Variants in CCDC13 observed in about 807,000 individuals in gnomAD.
CCDC13 encodes the protein coiled-coil domain containing 13.
CCDC13 carries 70 observed loss-of-function variants against 87.3 expected under a neutral mutation model. The observed-to-expected ratio is 0.80, with a 90% CI of 0.66 to 0.98. The LOEUF (loss-of-function observed/expected upper bound fraction) is 0.98, where lower values mean the gene tolerates loss of function less well. Ranked by LOEUF, CCDC13 falls within the 50% of genes least tolerant of loss-of-function variation. CCDC13 has a pLI of 0.00. For missense variants in CCDC13, 842 were observed against 892.0 expected (o/e 0.94, Z 0.71); for synonymous variants, 317 against 360.3 (o/e 0.88, Z 1.36).
At chr3:42,721,204 C>A (rs1044127416) in intron 13 of CCDC13, among the ~76,000 whole-genome samples, 1 of 152,156 alleles carries the variant, frequency 6.6e-6, no homozygotes, top group African/African-American at 2.4e-5. Flanking sequence ...ACAGAGGCAA[C>A]CAAAATTTCC....
At chr3:42,751,223 G>T (rs1699571123) in intron 5 of CCDC13, among the ~76,000 whole-genome samples, 1 of 152,260 alleles carries the variant, frequency 6.6e-6, no homozygotes, top group East Asian at 1.9e-4. Context: ...AACTGGCCTG[G>T]CTTCCCAAGA....
In CCDC13 at chr3:42,746,042, G is replaced by A; in HGVS notation, c.721-15C>T. 6.2e-7 allele frequency: 1 copy of A among 1,602,184 alleles called. No individual in the cohort carries two copies. The highest frequency in any genetic ancestry group is 8.6e-7 in the Non-Finnish European group (1 of 1,169,330). On this transcript the variant is annotated splice_polypyrimidine_tract_variant and intron_variant, in intron 6 of 15. Coordinates refer to ENST00000310232, the MANE Select transcript of CCDC13 (RefSeq NM_144719.4). ...CTGGCCAAAACCTGAAATAAGGCAG[G>A]GCCTTCAATGTGGCCAAAAGAGAGG...
intron 10 of CCDC13, among the ~76,000 whole-genome samples, chr3:42,735,179 C>T (rs560564971): frequency 3.8e-4 from 58 of 152,188 alleles, no homozygotes; most frequent in South Asian, 1.2e-3. Flanking sequence ...AGACCGAGGC[C>T]GTGGGGGAGG....
intron 1 of CCDC13, among the ~76,000 whole-genome samples, chr3:42,766,099 A>C (rs141116089): frequency 1.1e-4 from 16 of 152,298 alleles, no homozygotes; most frequent in Non-Finnish European, 1.9e-4. Flanking sequence ...ACTGAAGGCA[A>C]CTATGCAGAG....
chr3:42,771,808 TTTAG>T (rs902333526), intron 1 of CCDC13, among the ~76,000 whole-genome samples: 1 of 152,098 alleles, frequency 6.6e-6, no homozygotes, highest in Non-Finnish European at 1.5e-5. Context: ...AACTATGGAC[TTTAG>T]TTAGTAATAA....
Position 42,757,112 on chromosome 3 carries a change from G to T in CCDC13, c.324C>A (p.Ile108=). The T allele has an allele frequency of 6.2e-7, 1 of 1,614,140 alleles. No individual in the cohort carries two copies. The highest frequency in any genetic ancestry group is 8.5e-7 in the Non-Finnish European group (1 of 1,180,000). ...YKLLKERDFE[I]KHLKKKIEED... is the part of the protein sequence containing the mutation. ...CTTCTATTTTCTTTTTGAGGTGTTT[G>T]ATTTCAAAGTCCCTTTCCTTCAGCA... Residue 108 remains isoleucine (I), a synonymous_variant, in exon 3 of 16, where the codon ATC becomes ATA. Transcript: ENST00000310232.
At chr3:42,756,756 T>C (rs2125908561) in intron 3 of CCDC13, among the ~76,000 whole-genome samples, 1 of 152,274 alleles carries the variant, frequency 6.6e-6, no homozygotes, top group East Asian at 1.9e-4. Context: ...GCTGCGAGCA[T>C]GATGGCAAAC....
chr3:42,741,689 A>G (rs572721146), intron 8 of CCDC13, among the ~76,000 whole-genome samples: 12 of 152,164 alleles, frequency 7.9e-5, no homozygotes, highest in Non-Finnish European at 1.5e-4. Context: ...GTAAGCCAAG[A>G]TCACACCATT....
At chr3:42,769,357 C>A (rs1429453466) in intron 1 of CCDC13, among the ~76,000 whole-genome samples, 1 of 152,166 alleles carries the variant, frequency 6.6e-6, no homozygotes, top group Non-Finnish European at 1.5e-5. Context: ...TGTGAAGCAA[C>A]AAGAATTTCT....
intron 7 of CCDC13, chr3:42,744,804 CAAAAAAAAAAAA>C: frequency 2.1e-5 from 1 of 47,548 alleles, no homozygotes; most frequent in African/African-American, 8.4e-5. Context: ...GACTCCGTCT[CAAAAAAAAAAAA>C]AAAAAAAAAA....
rs1396813948 is a variant in CCDC13, at chr3:42,744,803, T to C, written c.825+1120A>G. The stretch of plus-strand genomic sequence containing the variant: ...CTGGGTGATAGAGCGAGACTCCGTC[T>C]CAAAAAAAAAAAAAAAAAAAAAAAA... On this transcript the variant is annotated intron_variant, in intron 7 of 15. Coordinates refer to ENST00000310232, the MANE Select transcript of CCDC13 (RefSeq NM_144719.4). The C allele has an allele frequency of 7.7e-5, 4 of 51,970 alleles. No homozygotes were observed. In the East Asian group the frequency reaches 1.8e-3, roughly 23 times the overall value. The allele number at this position is 51,970 out of a possible 1,614,324, so 3.2% of individuals were successfully genotyped here. A position where few individuals can be genotyped will look rare whatever the true frequency, so the allele number is the denominator to read the frequency against.
chr3:42,719,180 T>C (rs1012794647), intron 13 of CCDC13: 4 of 152,306 alleles, frequency 2.6e-5, no homozygotes, highest in Non-Finnish European at 4.4e-5. Flanking sequence ...GTGACAAGAT[T>C]AGGCACGTAC....
At chr3:42,749,724 A>G (rs946876865) in intron 5 of CCDC13, 5 of 360,640 alleles carry the variant, frequency 1.4e-5, no homozygotes, top group Non-Finnish European at 2.2e-5. Context: ...GGACCTGGGT[A>G]TGGGTACGCT....
At chr3:42,740,469 T>G (rs1314993012) in intron 8 of CCDC13, among the ~76,000 whole-genome samples, 1 of 152,334 alleles carries the variant, frequency 6.6e-6, no homozygotes, top group East Asian at 1.9e-4. Context: ...TACTATGGGC[T>G]TAGTATTGTT....
chr3:42,763,040 G>T (rs1418639691), intron 1 of CCDC13, among the ~76,000 whole-genome samples: 2 of 152,222 alleles, frequency 1.3e-5, no homozygotes, highest in Non-Finnish European at 2.9e-5. Context: ...CCCAGAACCA[G>T]AACAGATTCA....
intron 7 of CCDC13, 97 bp from the exon 8 acceptor site, chr3:42,743,154 C>T: frequency 7.2e-7 from 1 of 1,394,620 alleles, no homozygotes; most frequent in Non-Finnish European, 9.9e-7. Flanking sequence ...AAGATGGAAC[C>T]ACCTCTCTAG....
At chr3:42,726,397 T>C (rs1276099869) in intron 13 of CCDC13, among the ~76,000 whole-genome samples, 2 of 152,164 alleles carry the variant, frequency 1.3e-5, no homozygotes, top group East Asian at 3.9e-4. Flanking sequence ...TCATGGTAGA[T>C]GAAGCACAAC....
At chr3:42,740,115 G>A (rs953219707) in intron 8 of CCDC13, among the ~76,000 whole-genome samples, 16 of 152,150 alleles carry the variant, frequency 1.1e-4, no homozygotes, top group Admixed American at 7.9e-4. Flanking sequence ...AGCCAACTGC[G>A]TGTGTCCTCC....
At position 42,708,402 on chromosome 3, in the gene CCDC13, T is replaced by G. The variant is rs1036748055; in HGVS notation, c.*578A>C. 1 of 152,198 alleles carries G rather than the reference T, an allele frequency of 6.6e-6. No individual in the cohort carries two copies. The highest frequency in any genetic ancestry group is 1.5e-5 in the Non-Finnish European group (1 of 68,070). The allele number at this position is 152,198 out of a possible 1,614,324, so 9.4% of individuals were successfully genotyped here. On this transcript the variant is annotated 3_prime_UTR_variant, in exon 16 of 16. Coordinates refer to ENST00000310232, the MANE Select transcript of CCDC13 (RefSeq NM_144719.4). Reference sequence around the variant, plus strand: ...GGAGCTGCAGTGATTATGAAAATACTTATTATTATTACAAGTCCAAGGGTC... The same window carrying G: ...GGAGCTGCAGTGATTATGAAAATACGTATTATTATTACAAGTCCAAGGGTC...
Sources: gnomAD v4.1 joint callset for allele counts (sites outside exome capture counted in the v4.1 genomes callset) on GRCh38, gnomAD v4.1.1 for gene constraint, MANE v1.5 for transcripts, NCBI Gene and HGNC (gene_info 2026-07-23, HGNC 2026-07-21) for gene names.